The following RHPN2 variants were observed in gnomAD, a reference collection of about 807,000 sequenced individuals.
RHPN2 encodes the protein rhophilin Rho GTPase binding protein 2.
Under a neutral mutation model 79.0 loss-of-function variants are expected in RHPN2, and 40 were observed. That is an observed-to-expected ratio of 0.51 (90% CI 0.39 to 0.66). RHPN2 has a LOEUF of 0.66. Ranked by LOEUF, RHPN2 falls within the 30% of genes least tolerant of loss-of-function variation. RHPN2 has a pLI of 0.00. For missense variants in RHPN2, 686 were observed against 883.5 expected (o/e 0.78, Z 2.83); for synonymous variants, 285 against 363.5 (o/e 0.78, Z 2.46).
chr19:32,993,650 G>T (rs1252388194), intron 12 of RHPN2, among the ~76,000 whole-genome samples: 1 of 152,102 alleles, frequency 6.6e-6, no homozygotes, highest in African/African-American at 2.4e-5. Flanking sequence ...CTCGAGAGGT[G>T]ATTCAGTCTT....
rs1276033561 is a variant in RHPN2, at chr19:32,979,342, C to T, written c.*654G>A. 6.5e-6 allele frequency: 1 copy of T among 152,752 alleles called. No homozygotes were observed. Among genetic ancestry groups the T allele is most frequent in the Admixed American group, 6.5e-5 (1 of 15,276 alleles). 9.5% of individuals were successfully genotyped at this position (152,752 alleles called of 1,614,324 possible). On this transcript the variant is annotated 3_prime_UTR_variant, in exon 15 of 15. Coordinates refer to ENST00000254260, the MANE Select transcript of RHPN2 (RefSeq NM_033103.5). ...TTGTAGACAGCATCTTCATCTAACA[C>T]TGCCACTGTGTTAGTAATTCTTAAA... is the stretch of plus-strand genomic sequence containing the variant.
rs1052788782 is a variant in RHPN2 at position 33,057,149 on chromosome 19, A to G, written c.69+7635T>C. Among the ~76,000 whole-genome samples, 29 of 131,800 alleles carry G rather than the reference A, an allele frequency of 2.2e-4. No homozygotes were observed. In the Middle Eastern group the frequency reaches 0.011, roughly 51 times the overall value. The allele number at this position is 131,800 out of a possible 152,430, so 86.5% of individuals were successfully genotyped here. A position where few individuals can be genotyped will look rare whatever the true frequency, so the allele number is the denominator to read the frequency against. On this transcript the variant is annotated intron_variant, in intron 1 of 14. Transcript: ENST00000254260. ...AAAAAAAAAAAAAGAGTTCGAGGCC[A>G]GCCCAGGCAACACAGTGAGACCGTC...
At chr19:33,024,488 C>T (rs574599878) in intron 3 of RHPN2, among the ~76,000 whole-genome samples, 1 of 152,192 alleles carries the variant, frequency 6.6e-6, no homozygotes, top group South Asian at 2.1e-4. Context: ...ACAGGTAAGC[C>T]AGGCATGTGG....
chr19:32,994,982 T>C (rs553853556), intron 11 of RHPN2, among the ~76,000 whole-genome samples: 6 of 152,144 alleles, frequency 3.9e-5, no homozygotes, highest in African/African-American at 1.4e-4. Context: ...CAAAAAAACC[T>C]ATTGAGAAGT....
At chr19:32,989,567 A>G (rs1309300680) in intron 14 of RHPN2, among the ~76,000 whole-genome samples, 1 of 151,774 alleles carries the variant, frequency 6.6e-6, no homozygotes, top group Non-Finnish European at 1.5e-5. Flanking sequence ...TACCATTAGA[A>G]TTTTTTTTTG....
intron 14 of RHPN2, among the ~76,000 whole-genome samples, chr19:32,986,468 G>A (rs1321911577): frequency 6.6e-6 from 1 of 152,130 alleles, no homozygotes; most frequent in Non-Finnish European, 1.5e-5. Flanking sequence ...CTTCTCCCAA[G>A]ATGCTCTGAG....
intron 1 of RHPN2, among the ~76,000 whole-genome samples, chr19:33,047,018 C>T (rs1049160863): frequency 9.2e-5 from 14 of 152,070 alleles, no homozygotes; most frequent in African/African-American, 1.4e-4. Context: ...CCACCACGTC[C>T]GGCTAATTGT....
chr19:32,980,633 G>T (rs10426357), intron 14 of RHPN2, among the ~76,000 whole-genome samples: 7,370 of 152,088 alleles, frequency 0.048, 299 homozygotes, highest in African/African-American at 0.1. Context: ...GACATAATTC[G>T]GAAACTCAGG....
At chr19:32,989,487 T>C (rs1414993724) in intron 14 of RHPN2, among the ~76,000 whole-genome samples, 1 of 152,188 alleles carries the variant, frequency 6.6e-6, no homozygotes, top group Non-Finnish European at 1.5e-5. Flanking sequence ...TCCCAGGACA[T>C]GGCTGACACT....
intron 1 of RHPN2, among the ~76,000 whole-genome samples, chr19:33,045,041 G>A (rs1435253403): frequency 6.7e-6 from 1 of 149,818 alleles, no homozygotes; most frequent in African/African-American, 2.5e-5. Context: ...CACTGTTACT[G>A]AGTATCTACT....
chr19:33,039,667 G>A (rs548191080), intron 2 of RHPN2, among the ~76,000 whole-genome samples: 175 of 151,906 alleles, frequency 1.2e-3, no homozygotes, highest in African/African-American at 4.0e-3. Context: ...GCAAAACCTC[G>A]TCTCTACTAA....
chr19:33,010,484 G>A (rs1423947013), intron 6 of RHPN2, among the ~76,000 whole-genome samples: 2 of 151,366 alleles, frequency 1.3e-5, no homozygotes, highest in Non-Finnish European at 2.9e-5. Flanking sequence ...CCGGGTTCAG[G>A]CGATTCTCCT....
chr19:33,056,832 G>A (rs1049399670), intron 1 of RHPN2, among the ~76,000 whole-genome samples: 10 of 151,924 alleles, frequency 6.6e-5, no homozygotes, highest in African/African-American at 2.2e-4. Flanking sequence ...AGACCAGGCC[G>A]GGCGCAGTGG....
intron 14 of RHPN2, 81 bp downstream of exon 14, chr19:32,990,433 T>C (rs1971648469): frequency 3.4e-5 from 50 of 1,470,234 alleles, no homozygotes; most frequent in Non-Finnish European, 4.7e-5. Context: ...ACAGAGGGTC[T>C]GGTAAACACC....
intron 1 of RHPN2, among the ~76,000 whole-genome samples, chr19:33,049,073 C>G (rs940435813): frequency 6.6e-6 from 1 of 152,124 alleles, no homozygotes; most frequent in African/African-American, 2.4e-5. Flanking sequence ...CATAGGAACA[C>G]TTAGGGTTAG....
At chr19:33,043,076 C>T (rs1972113495) in intron 2 of RHPN2, among the ~76,000 whole-genome samples, 1 of 114,706 alleles carries the variant, frequency 8.7e-6, no homozygotes, top group African/African-American at 5.1e-5. Context: ...AAGACTCCGT[C>T]TCAAAAAAAA....
At chr19:33,062,334 C>T (rs1008686981) in intron 1 of RHPN2, among the ~76,000 whole-genome samples, 3 of 151,812 alleles carry the variant, frequency 2.0e-5, no homozygotes, top group Non-Finnish European at 4.4e-5. Context: ...GGTTGATATG[C>T]GCCTGTAGTC....
At chr19:32,981,424 G>GA (rs1971573248) in intron 14 of RHPN2, among the ~76,000 whole-genome samples, 1 of 117,620 alleles carries the variant, frequency 8.5e-6, no homozygotes, top group South Asian at 3.7e-4. Context: ...AAAAGGGGGG[G>GA]GGCGGGGGGA....
In RHPN2 at chr19:33,057,427, C is replaced by T. The variant is rs372827306; in HGVS notation, c.69+7357G>A. On this transcript the variant is annotated intron_variant, in intron 1 of 14. Coordinates refer to ENST00000254260, the MANE Select transcript of RHPN2 (RefSeq NM_033103.5). ...ACCTGAGGCTGGGCATGATGGCTCA[C>T]GCCTGTAATCCCAGCACTTTGGGAG... Among the ~76,000 whole-genome samples, 175 of 152,226 alleles carry T rather than the reference C, an allele frequency of 1.1e-3. 1 individual carries two copies. Among genetic ancestry groups the T allele is most frequent in the African/African-American group, 3.8e-3 (158 of 41,546 alleles).
Sources: gnomAD v4.1 joint callset for allele counts (sites outside exome capture counted in the v4.1 genomes callset) on GRCh38, gnomAD v4.1.1 for gene constraint, MANE v1.5 for transcripts, NCBI Gene and HGNC (gene_info 2026-07-23, HGNC 2026-07-21) for gene names.